Variants in ASRGL1 observed in about 807,000 individuals in gnomAD.
The protein encoded by ASRGL1 is asparaginase and isoaspartyl peptidase 1.
In ASRGL1, 16 loss-of-function variants were observed where a neutral mutation model predicts 22.4. The observed-to-expected ratio is 0.71, with a 90% CI of 0.48 to 1.08. The LOEUF (loss-of-function observed/expected upper bound fraction) is 1.08. ASRGL1 is among the 50% of genes least tolerant of loss of function. The probability of loss-of-function intolerance (pLI) is 0.00; values close to 1 mark genes in which losing one functional copy is unlikely to be tolerated. For synonymous variants in ASRGL1, 165 were observed against 159.3 expected (o/e 1.04, Z -0.27); for missense variants, 412 against 410.1 (o/e 1.00, Z -0.04).
intron 2 of ASRGL1, among the ~76,000 whole-genome samples, chr11:62,340,421 T>TA (rs1212730457): frequency 6.6e-6 from 1 of 152,196 alleles, no homozygotes; most frequent in Non-Finnish European, 1.5e-5. Context: ...TGTTAAACCT[T>TA]ACGCTTCTTA....
chr11:62,355,006 C>T (rs1946245374), intron 2 of ASRGL1, among the ~76,000 whole-genome samples: 1 of 152,106 alleles, frequency 6.6e-6, no homozygotes, highest in Admixed American at 6.6e-5. Flanking sequence ...CAACCTCCGC[C>T]TCCCGGGTTC....
chr11:62,379,033 C>T (rs1946999381), intron 4 of ASRGL1, among the ~76,000 whole-genome samples: 1 of 152,160 alleles, frequency 6.6e-6, no homozygotes, highest in African/African-American at 2.4e-5. Context: ...TATAATGGAG[C>T]AGGCATAGTG....
At chr11:62,375,458 A>ATT (rs1946897361) in intron 4 of ASRGL1, among the ~76,000 whole-genome samples, 1 of 87,102 alleles carries the variant, frequency 1.1e-5, no homozygotes, top group Admixed American at 1.2e-4. Flanking sequence ...ATATATATAT[A>ATT]TATATATATA....
intron 2 of ASRGL1, among the ~76,000 whole-genome samples, chr11:62,351,239 T>A (rs1214696864): frequency 2.0e-5 from 3 of 152,234 alleles, no homozygotes; most frequent in Non-Finnish European, 4.4e-5. Context: ...CAGACAATGT[T>A]ACCATTTTGC....
intron 4 of ASRGL1, among the ~76,000 whole-genome samples, chr11:62,379,836 C>T (rs1947019469): frequency 6.6e-6 from 1 of 152,086 alleles, no homozygotes. Context: ...TGGGAATGCC[C>T]CAGTTTGTTG....
intron 4 of ASRGL1, among the ~76,000 whole-genome samples, chr11:62,386,459 T>C (rs989616072): frequency 6.7e-6 from 1 of 149,286 alleles, no homozygotes; most frequent in African/African-American, 2.6e-5. Context: ...TATGTACATA[T>C]CATACATATC....
At chr11:62,397,576 A>C (rs188959211), downstream of ASRGL1, among the ~76,000 whole-genome samples, 10 of 151,842 alleles carry the variant, frequency 6.6e-5, no homozygotes, top group Admixed American at 5.2e-4. Context: ...AGGCAGGAGA[A>C]TCACTTGAAC....
chr11:62,371,150 C>A, intron 4 of ASRGL1: 1 of 1,123,362 alleles, frequency 8.9e-7, no homozygotes, highest in Non-Finnish European at 1.2e-6. Context: ...AGGAAGAAGG[C>A]GGCGGTGGCG....
At chr11:62,396,222 A>G (rs896485975), downstream of ASRGL1, among the ~76,000 whole-genome samples, 11 of 145,106 alleles carry the variant, frequency 7.6e-5, no homozygotes, top group African/African-American at 2.8e-4. Flanking sequence ...AGGCCTAGGA[A>G]TGGGGGTGGG....
chr11:62,388,264 G>T (rs942243702), intron 4 of ASRGL1, among the ~76,000 whole-genome samples: 5 of 152,160 alleles, frequency 3.3e-5, no homozygotes, highest in Admixed American at 2.6e-4. Flanking sequence ...CTGTATTCGA[G>T]AATTCATAAT....
chr11:62,342,075 A>T (rs1198705841), intron 2 of ASRGL1, among the ~76,000 whole-genome samples: 4 of 152,252 alleles, frequency 2.6e-5, no homozygotes, highest in Non-Finnish European at 5.9e-5. Context: ...TTATAACCTG[A>T]CGCATTTACC....
chr11:62,375,556 G>T (rs1230990386), intron 4 of ASRGL1, among the ~76,000 whole-genome samples: 2 of 147,564 alleles, frequency 1.4e-5, no homozygotes, highest in African/African-American at 5.0e-5. Flanking sequence ...AAACATCCTG[G>T]TGCTCTCCCT....
chr11:62,376,100 C>CAAAAA (rs35931241), intron 4 of ASRGL1, among the ~76,000 whole-genome samples: 8 of 51,554 alleles, frequency 1.6e-4, no homozygotes, highest in Admixed American at 3.0e-4. Context: ...GACTCCATCT[C>CAAAAA]AAAAAAAAAA....
downstream of ASRGL1, among the ~76,000 whole-genome samples, chr11:62,393,933 G>C (rs61893610): frequency 0.024 from 3,569 of 150,422 alleles, 54 homozygotes; most frequent in Non-Finnish European, 0.038. Flanking sequence ...TCCTCTGTAC[G>C]TGCACAGCCC....
intron 4 of ASRGL1, among the ~76,000 whole-genome samples, chr11:62,367,154 C>A (rs992232003): frequency 6.6e-6 from 1 of 150,900 alleles, no homozygotes; most frequent in African/African-American, 2.4e-5. Context: ...CTGGCTAACA[C>A]GGTGAAACCG....
chr11:62,383,502 C>T (rs1020523292), intron 4 of ASRGL1, among the ~76,000 whole-genome samples: 3 of 141,818 alleles, frequency 2.1e-5, no homozygotes, highest in Non-Finnish European at 4.5e-5. Context: ...ACTCGGGAGG[C>T]TGAGGCAGGA....
chr11:62,359,216 C>G (rs867641122), intron 4 of ASRGL1, among the ~76,000 whole-genome samples: 7 of 152,064 alleles, frequency 4.6e-5, no homozygotes, highest in African/African-American at 1.4e-4. Flanking sequence ...GCCACATCCA[C>G]AGTGGATCAC....
intron 2 of ASRGL1, among the ~76,000 whole-genome samples, chr11:62,345,919 C>A (rs552266389): frequency 6.6e-6 from 1 of 152,194 alleles, no homozygotes; most frequent in East Asian, 1.9e-4. Flanking sequence ...CATGCGCCTG[C>A]CACTCACCTC....
chr11:62,372,218 G>C, intron 4 of ASRGL1: 1 of 1,268,156 alleles, frequency 7.9e-7, no homozygotes, highest in Non-Finnish European at 1.2e-6. Flanking sequence ...CAGCCACGAA[G>C]TGATTGTGTG....
Sources: gnomAD v4.1 joint callset for allele counts (sites outside exome capture counted in the v4.1 genomes callset) on GRCh38, gnomAD v4.1.1 for gene constraint, MANE v1.5 for transcripts, NCBI Gene and HGNC (gene_info 2026-07-23, HGNC 2026-07-21) for gene names.